The following CELF4 variants were observed in gnomAD, a reference collection of about 807,000 sequenced individuals.
CELF4 encodes the protein CUGBP Elav-like family member 4.
In CELF4, 18 loss-of-function variants were observed where a neutral mutation model predicts 59.9. That is an observed-to-expected ratio of 0.30 (90% CI 0.21 to 0.45). The LOEUF (loss-of-function observed/expected upper bound fraction) is 0.45. Ranked by LOEUF, CELF4 falls within the 20% of genes least tolerant of loss-of-function variation. The pLI is 1.00. For synonymous variants in CELF4, 261 were observed against 267.1 expected (o/e 0.98, Z 0.22); for missense variants, 456 against 689.0 (o/e 0.66, Z 3.79).
chr18:37,377,464 C>A (rs2098984332), intron 2 of CELF4, among the ~76,000 whole-genome samples: 2 of 152,232 alleles, frequency 1.3e-5, no homozygotes, highest in Non-Finnish European at 2.9e-5. Context: ...GCATGGGATG[C>A]TTCTCACGAG....
intron 1 of CELF4, among the ~76,000 whole-genome samples, chr18:37,545,406 C>T (rs760450815): frequency 6.6e-5 from 10 of 152,296 alleles, no homozygotes; most frequent in Non-Finnish European, 1.0e-4. Flanking sequence ...GGCTTTTGTG[C>T]CTGCACCCCA....
chr18:37,365,650 T>C lies in CELF4; in HGVS notation c.370-43769A>G, dbSNP rs147573133. On this transcript the variant is annotated intron_variant, in intron 2 of 12. Coordinates refer to ENST00000420428, the MANE Select transcript of CELF4 (RefSeq NM_020180.4). ...ACAGGCATCCACCGCCACACTCGGC[T>C]AATTTTTGTATTTTTAGTAGAGACC... 7.6e-3 allele frequency among the ~76,000 whole-genome samples: 1,161 copies of C among 152,130 alleles called. 3 individuals carry two copies. The highest frequency in any genetic ancestry group is 0.01 in the Non-Finnish European group (705 of 67,996).
chr18:37,553,120 G>C (rs1181764701), intron 1 of CELF4, among the ~76,000 whole-genome samples: 1 of 152,266 alleles, frequency 6.6e-6, no homozygotes, highest in African/African-American at 2.4e-5. Context: ...TAAAATAAAT[G>C]TAATCATTTG....
chr18:37,440,489 C>A (rs78353412), intron 2 of CELF4, among the ~76,000 whole-genome samples: 9,191 of 152,260 alleles, frequency 0.06, 393 homozygotes, highest in Non-Finnish European at 0.095. Flanking sequence ...ATCTGAGGAG[C>A]ATTTCCTCCA....
At chr18:37,275,681 G>T (rs184454328) in intron 3 of CELF4, 1 of 181,214 alleles carries the variant, frequency 5.5e-6, no homozygotes. Flanking sequence ...GTCTGACTTC[G>T]GGCCTTTGCA....
At chr18:37,397,813 C>A (rs2154580436) in intron 2 of CELF4, among the ~76,000 whole-genome samples, 1 of 152,272 alleles carries the variant, frequency 6.6e-6, no homozygotes, top group East Asian at 1.9e-4. Flanking sequence ...GGGGCTCGAA[C>A]CCAAATCTCT....
chr18:37,378,183 A>G (rs1262157539), intron 2 of CELF4, among the ~76,000 whole-genome samples: 3 of 152,174 alleles, frequency 2.0e-5, no homozygotes, highest in Non-Finnish European at 4.4e-5. Flanking sequence ...TCTGGAGAGC[A>G]GCACTCCCTG....
At chr18:37,261,418 C>T (rs948454491) in intron 10 of CELF4, among the ~76,000 whole-genome samples, 10 of 152,316 alleles carry the variant, frequency 6.6e-5, no homozygotes, top group East Asian at 5.8e-4. Context: ...AGACAGGGCC[C>T]GCAGGCTCAA....
intron 2 of CELF4, among the ~76,000 whole-genome samples, chr18:37,478,108 C>CCCTCT (rs1224957976): frequency 6.6e-6 from 1 of 152,140 alleles, no homozygotes; most frequent in Non-Finnish European, 1.5e-5. Flanking sequence ...CTTGCTCTCC[C>CCCTCT]CCTCTCCTCT....
chr18:37,440,935 G>A (rs1302229060), intron 2 of CELF4, among the ~76,000 whole-genome samples: 1 of 152,162 alleles, frequency 6.6e-6, no homozygotes, highest in African/African-American at 2.4e-5. Flanking sequence ...TTAAAGGATT[G>A]GATGGACTTA....
At chr18:37,459,891 T>C (rs1049172981) in intron 2 of CELF4, among the ~76,000 whole-genome samples, 4 of 152,236 alleles carry the variant, frequency 2.6e-5, no homozygotes, top group African/African-American at 9.6e-5. Context: ...AGATGCTTTC[T>C]TCTAAATACA....
At chr18:37,402,852 C>T (rs2154582089) in intron 2 of CELF4, among the ~76,000 whole-genome samples, 1 of 152,310 alleles carries the variant, frequency 6.6e-6, no homozygotes, top group African/African-American at 2.4e-5. Flanking sequence ...TTCCTGCAGG[C>T]CTAGCTCAAG....
chr18:37,541,438 C>T (rs1409190639), intron 1 of CELF4, among the ~76,000 whole-genome samples: 1 of 152,130 alleles, frequency 6.6e-6, no homozygotes, highest in East Asian at 1.9e-4. Flanking sequence ...TTTCTCGCAC[C>T]TTCACTGCCC....
At chr18:37,275,511 C>A in intron 3 of CELF4, 1 of 472,788 alleles carries the variant, frequency 2.1e-6, no homozygotes. Context: ...AGCTGGATCG[C>A]AGCGACTCGG....
At chr18:37,301,291 C>G (rs931052804) in intron 3 of CELF4, among the ~76,000 whole-genome samples, 2 of 152,214 alleles carry the variant, frequency 1.3e-5, no homozygotes, top group Non-Finnish European at 2.9e-5. Context: ...GAGGCCACTG[C>G]AGGTGCTGCC....
chr18:37,370,049 A>G (rs1404064751), intron 2 of CELF4, among the ~76,000 whole-genome samples: 2 of 152,234 alleles, frequency 1.3e-5, no homozygotes, highest in African/African-American at 4.8e-5. Context: ...GGCTTGCCTC[A>G]GCCTAGTATT....
chr18:37,551,495 A>G (rs1045747021), intron 1 of CELF4, among the ~76,000 whole-genome samples: 26 of 152,322 alleles, frequency 1.7e-4, no homozygotes, highest in African/African-American at 6.3e-4. Flanking sequence ...GTGTCACCCC[A>G]GGAAACTGTC....
intron 1 of CELF4, among the ~76,000 whole-genome samples, chr18:37,508,156 T>C (rs1398732030): frequency 1.3e-5 from 2 of 152,192 alleles, no homozygotes; most frequent in Non-Finnish European, 2.9e-5. Flanking sequence ...TGAAGTCTGA[T>C]ACTGAGTTGC....
At chr18:37,300,081 G>A (rs1193974616) in intron 3 of CELF4, among the ~76,000 whole-genome samples, 1 of 152,184 alleles carries the variant, frequency 6.6e-6, no homozygotes, top group Non-Finnish European at 1.5e-5. Flanking sequence ...GTTCCTTAAA[G>A]GTGGGGTCTT....
Sources: gnomAD v4.1 joint callset for allele counts (sites outside exome capture counted in the v4.1 genomes callset) on GRCh38, gnomAD v4.1.1 for gene constraint, MANE v1.5 for transcripts, NCBI Gene and HGNC (gene_info 2026-07-23, HGNC 2026-07-21) for gene names.